NLRP5: variants seen among roughly 807,000 people sequenced by gnomAD.
NLRP5 encodes the protein NACHT, LRR and PYD domains-containing protein 5.
In NLRP5, 93 loss-of-function variants were observed where a neutral mutation model predicts 113.1. The ratio of observed to expected loss-of-function variants is 0.82; its 90% CI spans 0.70 to 0.98. The LOEUF (loss-of-function observed/expected upper bound fraction) is 0.98, where lower values mean the gene tolerates loss of function less well. Ranked by LOEUF, NLRP5 falls within the 50% of genes least tolerant of loss-of-function variation. The probability of loss-of-function intolerance (pLI) is 0.00; values close to 1 mark genes in which losing one functional copy is unlikely to be tolerated. For missense variants in NLRP5, 1,808 were observed against 1,514.3 expected (o/e 1.19, Z -3.22); for synonymous variants, 751 against 600.7 (o/e 1.25, Z -3.66).
upstream of NLRP5, among the ~76,000 whole-genome samples, chr19:55,996,591 G>A (rs1981333036): frequency 6.6e-6 from 1 of 152,054 alleles, no homozygotes; most frequent in Admixed American, 6.6e-5. Flanking sequence ...GTGGTGTTTG[G>A]TTTTTCGTCC....
upstream of NLRP5, among the ~76,000 whole-genome samples, chr19:55,996,009 T>G (rs1012350792): frequency 1.4e-5 from 2 of 147,852 alleles, no homozygotes; most frequent in African/African-American, 5.0e-5. Context: ...TCTGCAACTT[T>G]ACTGAATTCC....
At position 56,041,046 on chromosome 19, in the gene NLRP5, C is replaced by T. The variant is rs758618607; in HGVS notation, c.2911C>T (p.Leu971=). The stretch of plus-strand genomic sequence containing the variant: ...CCTGGGGAACGAAGGTGTAAATCTA[C>T]TGTGTCGATCCATGAGGCTTCCCCA... Residue 971 remains leucine (L), a synonymous_variant, in exon 11 of 15, where the codon CTG becomes TTG. Coordinates refer to ENST00000390649, the MANE Select transcript of NLRP5 (RefSeq NM_153447.4). 29 of 1,613,976 alleles carry T rather than the reference C, an allele frequency of 1.8e-5. No homozygotes were observed. Among genetic ancestry groups the T allele is most frequent in the Non-Finnish European group, 2.4e-5 (28 of 1,179,856 alleles).
intron 11 of NLRP5, 135 bp from the exon 12 acceptor site, chr19:56,050,283 A>AG (rs891019590): frequency 2.6e-6 from 2 of 759,570 alleles, no homozygotes; most frequent in South Asian, 2.0e-5. Context: ...CCTCAAAAAA[A>AG]AAAAAGAAAA....
intron 7 of NLRP5, 111 bp from the exon 8 acceptor site, chr19:56,032,500 G>A: frequency 1.1e-6 from 1 of 927,946 alleles, no homozygotes; most frequent in Non-Finnish European, 1.6e-6. Context: ...GGCCTCTAAA[G>A]CCACCGTGGT....
intron 7 of NLRP5, among the ~76,000 whole-genome samples, chr19:56,028,802 G>A (rs1330885208): frequency 1.3e-5 from 2 of 152,150 alleles, no homozygotes; most frequent in African/African-American, 4.8e-5. Context: ...GTCTCACTCT[G>A]TTGCCAGGCT....
intron 9 of NLRP5, among the ~76,000 whole-genome samples, chr19:56,036,058 C>CTTTGTT (rs1983300043): frequency 1.3e-5 from 1 of 77,018 alleles, no homozygotes; most frequent in Non-Finnish European, 2.3e-5. Flanking sequence ...AATTGAGATT[C>CTTTGTT]TTTTTTTTTT....
chr19:55,991,565 T>A, the NLRP5 span, among the ~76,000 whole-genome samples: 1 of 152,218 alleles, frequency 6.6e-6, no homozygotes, highest in Non-Finnish European at 1.5e-5. Context: ...ATGTTTTACC[T>A]CTATAGTTGC....
At chr19:56,050,735 A>T (rs1008473741) in intron 12 of NLRP5, 147 bp downstream of exon 12, 3 of 723,612 alleles carry the variant, frequency 4.1e-6, no homozygotes, top group South Asian at 3.9e-5. Context: ...ATCTAGGTAA[A>T]CTGAGGTGTT....
intron 3 of NLRP5, among the ~76,000 whole-genome samples, chr19:56,010,849 T>A (rs1982161295): frequency 6.6e-6 from 1 of 151,474 alleles, no homozygotes; most frequent in Non-Finnish European, 1.5e-5. Context: ...GTATATTATT[T>A]GGCATAAAAA....
At chr19:56,058,190 G>T (rs1383265437) in intron 13 of NLRP5, 50 bp from the exon 14 acceptor site, 3 of 1,355,410 alleles carry the variant, frequency 2.2e-6, no homozygotes, top group Non-Finnish European at 2.0e-6. Flanking sequence ...TTGAATGAAG[G>T]GTCCATCATC....
chr19:56,019,345 T>C lies in NLRP5; in HGVS notation c.569T>C (p.Ile190Thr). 4.3e-6 allele frequency: 7 copies of C among 1,613,886 alleles called. No individual in the cohort carries two copies. Among genetic ancestry groups the C allele is most frequent in the Non-Finnish European group, 5.1e-6 (6 of 1,179,864 alleles). Residue 190 changes from isoleucine to threonine, a missense_variant, in exon 5 of 15, where the codon ATT becomes ACT. By Grantham distance (89) the Ile-to-Thr change is moderately conservative (BLOSUM62 -1). Transcript: ENST00000390649. ...GGAATTCATTCTTCTTTTGCAGAAATTTCACAAGCTATGGAACAAGAAGGT... is the reference window on the plus strand; with the variant it reads ...GGAATTCATTCTTCTTTTGCAGAAACTTCACAAGCTATGGAACAAGAAGGT...
intron 6 of NLRP5, among the ~76,000 whole-genome samples, chr19:56,025,715 C>G (rs1045502827): frequency 2.6e-5 from 4 of 152,036 alleles, no homozygotes; most frequent in Non-Finnish European, 5.9e-5. Flanking sequence ...CGGCCATTCC[C>G]CTCTTTATGT....
At chr19:56,029,590 A>G (rs1258174639) in intron 7 of NLRP5, among the ~76,000 whole-genome samples, 2 of 152,138 alleles carry the variant, frequency 1.3e-5, no homozygotes, top group African/African-American at 2.4e-5. Context: ...ATAGTCACAC[A>G]TAGCTGATGC....
chr19:56,044,616 T>C (rs1301468236), intron 11 of NLRP5, among the ~76,000 whole-genome samples: 4 of 152,210 alleles, frequency 2.6e-5, no homozygotes, highest in African/African-American at 4.8e-5. Context: ...TTGGTGACTA[T>C]GCCTTATAGT....
At chr19:56,044,114 A>G (rs1371278651) in intron 11 of NLRP5, among the ~76,000 whole-genome samples, 22 of 147,264 alleles carry the variant, frequency 1.5e-4, no homozygotes, top group African/African-American at 5.1e-4. Flanking sequence ...CCCAGGCTGG[A>G]GTGCAGTGGC....
rs748718334 is a variant in NLRP5, at chr19:56,027,932, A to G, written c.1699A>G (p.Met567Val). ...GTCTGAGCTCCGTGCTCTGTTTCAC[A>G]TGAACATCCTTCTCCCAGACAGCCA... Residue 567 changes from methionine (M) to valine (V), a missense_variant, in exon 7 of 15, where the codon ATG becomes GTG. Transcript: ENST00000390649. 27 of 1,613,886 alleles carry G rather than the reference A, an allele frequency of 1.7e-5. No homozygotes were observed. The South Asian group carries it at 2.2e-4, about 13-fold the overall frequency.
At chr19:56,030,302 G>A (rs983951750) in intron 7 of NLRP5, among the ~76,000 whole-genome samples, 7 of 151,590 alleles carry the variant, frequency 4.6e-5, no homozygotes, top group South Asian at 2.1e-4. Flanking sequence ...CCCCGCGGGC[G>A]GAGGTTGCAG....
At chr19:55,987,938 G>T in the NLRP5 span, 1 of 1,551,232 alleles carries the variant, frequency 6.4e-7, no homozygotes, top group Non-Finnish European at 8.9e-7. Flanking sequence ...TTTCTCTGGG[G>T]CTTGATTGAT....
rs912506027 is a variant in NLRP5, at chr19:56,028,327, G to C, written c.2094G>C (p.Glu698Asp). The change falls in exon 7 of 15, where the codon GAG becomes GAC. Residue 698 changes from glutamate to aspartate, a missense_variant. Transcript: ENST00000390649. The stretch of plus-strand genomic sequence containing the variant: ...GTCTTTTCGAGACTCAAGACAAAGA[G>C]TTTGTTCGCTTGGCATTAAACAGCT... 12 of 1,614,006 alleles carry C rather than the reference G, an allele frequency of 7.4e-6. No individual in the cohort carries two copies. The African/African-American group carries it at 1.6e-4, about 22-fold the overall frequency.
Sources: allele counts gnomAD v4.1 joint callset (sites outside exome capture counted in the v4.1 genomes callset), GRCh38; gene constraint gnomAD v4.1.1; transcripts MANE v1.5; gene names NCBI Gene and HGNC (gene_info 2026-07-23, HGNC 2026-07-21).